Variants in CSMD2 observed in about 807,000 individuals in gnomAD.
CSMD2 encodes CUB and sushi domain-containing protein 2.
In CSMD2, 130 loss-of-function variants were observed where a neutral mutation model predicts 398.5. The observed-to-expected ratio is 0.33, with a 90% CI of 0.28 to 0.38. The LOEUF (loss-of-function observed/expected upper bound fraction) is 0.38, where lower values mean the gene tolerates loss of function less well. CSMD2 is among the 10% of genes least tolerant of loss of function. The pLI is 1.00. For synonymous variants in CSMD2, 1,828 were observed against 1,908.5 expected (o/e 0.96, Z 1.10); for missense variants, 3,829 against 4,764.9 (o/e 0.80, Z 5.78).
intron 24 of CSMD2, among the ~76,000 whole-genome samples, chr1:33,696,477 C>A (rs1404818160): frequency 6.6e-6 from 1 of 152,114 alleles, no homozygotes; most frequent in Non-Finnish European, 1.5e-5. Flanking sequence ...TTGAAAGATG[C>A]CAGGCTGAAT....
At chr1:34,018,072 C>A (rs1042783372) in intron 3 of CSMD2, among the ~76,000 whole-genome samples, 1 of 152,190 alleles carries the variant, frequency 6.6e-6, no homozygotes, top group Non-Finnish European at 1.5e-5. Context: ...TGCCTGCCCA[C>A]GTCAACTGTT....
chr1:33,995,821 A>T (rs1317132652), intron 3 of CSMD2, among the ~76,000 whole-genome samples: 1 of 152,228 alleles, frequency 6.6e-6, no homozygotes, highest in Non-Finnish European at 1.5e-5. Context: ...CATATTCAGT[A>T]ACCGGGAGCA....
chr1:33,769,610 TG>T (rs1650998913), intron 13 of CSMD2, among the ~76,000 whole-genome samples: 1 of 152,232 alleles, frequency 6.6e-6, no homozygotes, highest in African/African-American at 2.4e-5. Context: ...CTGAAGTCTC[TG>T]CTTGCTACAG....
chr1:33,929,248 C>T (rs572610243), intron 4 of CSMD2, among the ~76,000 whole-genome samples: 16 of 152,216 alleles, frequency 1.1e-4, no homozygotes, highest in South Asian at 4.2e-4. Flanking sequence ...CGGCCACCCT[C>T]GACCAAGATG....
chr1:33,722,077 C>A (rs917324722), intron 19 of CSMD2, among the ~76,000 whole-genome samples: 1 of 152,074 alleles, frequency 6.6e-6, no homozygotes, highest in Non-Finnish European at 1.5e-5. Context: ...TATGGCCATA[C>A]CCTATGTTTA....
chr1:34,112,744 A>G (rs1326076334), intron 1 of CSMD2, among the ~76,000 whole-genome samples: 1 of 152,208 alleles, frequency 6.6e-6, no homozygotes, highest in Non-Finnish European at 1.5e-5. Context: ...GTCCAATGCT[A>G]GAGATTTCTG....
At chr1:33,977,800 T>TC (rs746037837) in intron 3 of CSMD2, among the ~76,000 whole-genome samples, 3 of 151,988 alleles carry the variant, frequency 2.0e-5, no homozygotes, top group Non-Finnish European at 4.4e-5. Flanking sequence ...ATGTCCCCTC[T>TC]CCCCAGCCTT....
chr1:34,151,161 C>A (rs1640281452), intron 1 of CSMD2, among the ~76,000 whole-genome samples: 1 of 152,218 alleles, frequency 6.6e-6, no homozygotes, highest in Admixed American at 6.5e-5. Context: ...CTTCCCCTCT[C>A]CCCCTCTGCT....
Position 33,658,025 on chromosome 1 carries a change from C to T in CSMD2, c.4368G>A (p.Ala1456=), listed in dbSNP as rs142231882. The change falls in exon 27 of 71, where the codon GCG becomes GCA. Residue 1456 remains alanine (A), a synonymous_variant. Coordinates refer to ENST00000373381, the MANE Select transcript of CSMD2 (RefSeq NM_001281956.2). ...AGCTGATCTCTGCACTTCCCTGCAG[C>T]GCGTAGCCAGGGTCACACTGGAACA... ...STVFQCDPGY[A]LQGSAEISCV... is the part of the protein sequence containing the mutation. 111 of 1,614,064 alleles carry T rather than the reference C, an allele frequency of 6.9e-5. 1 individual carries two copies. Among genetic ancestry groups the T allele is most frequent in the Admixed American group, 8.3e-5 (5 of 60,004 alleles).
At chr1:34,075,250 A>G (rs187662598) in intron 2 of CSMD2, among the ~76,000 whole-genome samples, 29 of 152,194 alleles carry the variant, frequency 1.9e-4, no homozygotes, top group Admixed American at 1.6e-3. Context: ...CCTCATCCCC[A>G]TGGGTCCTCC....
At chr1:33,586,664 A>G (rs1557579816) in intron 45 of CSMD2, 47 bp from the exon 46 acceptor site, 4 of 1,264,280 alleles carry the variant, frequency 3.2e-6, no homozygotes. Context: ...AAGTCCAGTC[A>G]TTAGTACCTT....
chr1:33,871,809 G>A (rs945290457), intron 5 of CSMD2, among the ~76,000 whole-genome samples: 1 of 152,096 alleles, frequency 6.6e-6, no homozygotes, highest in African/African-American at 2.4e-5. Flanking sequence ...TAGAGATGGG[G>A]TTTCACCGTG....
chr1:33,740,691 C>G (rs74069158), intron 14 of CSMD2, among the ~76,000 whole-genome samples: 1,607 of 152,292 alleles, frequency 0.011, 37 homozygotes, highest in African/African-American at 0.036. Context: ...CGAAGTCACC[C>G]TGACATTTAG....
intron 3 of CSMD2, among the ~76,000 whole-genome samples, chr1:33,966,560 A>G (rs189771843): frequency 1.3e-5 from 2 of 152,254 alleles, no homozygotes; most frequent in East Asian, 3.9e-4. Context: ...GTGAAAAATC[A>G]TTTCCCAAAA....
At chr1:34,096,945 C>T (rs1659384147) in intron 1 of CSMD2, among the ~76,000 whole-genome samples, 1 of 150,250 alleles carries the variant, frequency 6.7e-6, no homozygotes, top group Non-Finnish European at 1.5e-5. Context: ...AAAGAGCCCG[C>T]ATCGCCAAGT....
intron 3 of CSMD2, among the ~76,000 whole-genome samples, chr1:34,010,489 G>A (rs1647215078): frequency 6.6e-6 from 1 of 152,178 alleles, no homozygotes; most frequent in African/African-American, 2.4e-5. Context: ...TTATAAACAT[G>A]GAAGCTGAGG....
At chr1:33,985,595 T>C (rs1053285770) in intron 3 of CSMD2, among the ~76,000 whole-genome samples, 1 of 152,192 alleles carries the variant, frequency 6.6e-6, no homozygotes, top group Admixed American at 6.5e-5. Context: ...ACTTGCTCAC[T>C]GTGTGTCTCT....
intron 42 of CSMD2, among the ~76,000 whole-genome samples, chr1:33,603,141 C>T (rs988142574): frequency 1.3e-5 from 2 of 152,094 alleles, no homozygotes; most frequent in Non-Finnish European, 2.9e-5. Context: ...ATACCTCCCC[C>T]ATAGGATTGT....
chr1:34,045,274 A>G (rs1405001936), intron 2 of CSMD2, among the ~76,000 whole-genome samples: 1 of 152,110 alleles, frequency 6.6e-6, no homozygotes, highest in African/African-American at 2.4e-5. Flanking sequence ...GAGAAGGTAG[A>G]TCATGGAGCT....
Sources: gnomAD v4.1 joint callset for allele counts (sites outside exome capture counted in the v4.1 genomes callset) on GRCh38, gnomAD v4.1.1 for gene constraint, MANE v1.5 for transcripts, NCBI Gene and HGNC (gene_info 2026-07-23, HGNC 2026-07-21) for gene names.